The following SVIL variants were observed in gnomAD, a reference collection of about 807,000 sequenced individuals.
SVIL encodes archvillin.
SVIL carries 101 observed loss-of-function variants against 240.4 expected under a neutral mutation model. The ratio of observed to expected loss-of-function variants is 0.42; its 90% CI spans 0.36 to 0.50. The LOEUF (loss-of-function observed/expected upper bound fraction) is 0.50. Among genes scored for constraint, SVIL ranks in the 20% least tolerant of loss-of-function variants. The pLI, the probability that SVIL is intolerant of heterozygous loss-of-function variation, is 0.01. For synonymous variants in SVIL, 999 were observed against 1,100.0 expected, an observed-to-expected ratio of 0.91 and a Z score of 1.82; for missense variants, 2,512 against 2,818.7, an observed-to-expected ratio of 0.89 and a Z score of 2.46.
intron 1 of SVIL, among the ~76,000 whole-genome samples, chr10:29,582,576 A>G (rs569631976): frequency 1.1e-3 from 169 of 152,134 alleles, no homozygotes; most frequent in African/African-American, 4.0e-3. Context: ...CATCTTTACC[A>G]AAAACATTTT....
At chr10:29,685,512 A>G (rs1488621588) in intron 2 of SVIL, among the ~76,000 whole-genome samples, 3 of 152,212 alleles carry the variant, frequency 2.0e-5, no homozygotes, top group African/African-American at 7.2e-5. Context: ...GCTTTCCACG[A>G]TGAACTAATT....
intron 1 of SVIL, among the ~76,000 whole-genome samples, chr10:29,583,929 T>C (rs1956053846): frequency 6.6e-6 from 1 of 152,156 alleles, no homozygotes; most frequent in African/African-American, 2.4e-5. Context: ...ACTTGCGGTA[T>C]TTGTTTAAAA....
At chr10:29,647,322 T>G (rs762691580) in intron 3 of SVIL, 7 of 152,128 alleles carry the variant, frequency 4.6e-5, no homozygotes, top group Non-Finnish European at 7.4e-5. Context: ...CTTTTCTTGC[T>G]TTCTTTTTCT....
rs1953288347 is a variant in SVIL at position 29,551,122 on chromosome 10, T to C, written c.302A>G (p.Lys101Arg). ...TTTGTACCTTGCAATTCTTTCGGCTTTGGACTCCAGACTGTGGGTGTCCAT... is the reference window on the plus strand; with the variant it reads ...TTTGTACCTTGCAATTCTTTCGGCTCTGGACTCCAGACTGTGGGTGTCCAT... ...GTMDTHSLESKAERIARYKAE... is the reference protein window; with the variant it reads ...GTMDTHSLESRAERIARYKAE... The change falls in exon 6 of 38, where the codon AAA (lysine) becomes AGA (arginine). Residue 101 changes from lysine to arginine, a missense_variant. Physicochemically the swap from Lys to Arg is conservative, Grantham distance 26 (BLOSUM62 2). This residue lies in a region of SVIL where 1,443 missense variants were observed against 1,486.6 expected (regional missense o/e 0.97). Transcript: ENST00000355867. The C allele has an allele frequency of 1.9e-6, 3 of 1,614,028 alleles. No individual in the cohort carries two copies. Among genetic ancestry groups the C allele is most frequent in the African/African-American group, 2.7e-5 (2 of 74,918 alleles).
chr10:29,511,664 T>C (rs1334463774), intron 17 of SVIL, among the ~76,000 whole-genome samples: 1 of 152,248 alleles, frequency 6.6e-6, no homozygotes, highest in Non-Finnish European at 1.5e-5. Flanking sequence ...TAGTTATATT[T>C]GAGAATTTTA....
At chr10:29,600,904 C>T (rs552659135) in intron 1 of SVIL, among the ~76,000 whole-genome samples, 8 of 152,246 alleles carry the variant, frequency 5.3e-5, no homozygotes, top group Admixed American at 3.3e-4. Context: ...TATGAAGTTC[C>T]GGGTTCTTTC....
At chr10:29,700,769 G>C (rs1159109413) in intron 1 of SVIL, among the ~76,000 whole-genome samples, 1 of 152,030 alleles carries the variant, frequency 6.6e-6, no homozygotes, top group Non-Finnish European at 1.5e-5. Context: ...CACTGCGCCT[G>C]GCCACTATTT....
At chr10:29,651,138 C>T (rs552357530) in intron 3 of SVIL, among the ~76,000 whole-genome samples, 123 of 152,224 alleles carry the variant, frequency 8.1e-4, no homozygotes, top group Non-Finnish European at 1.4e-3. Flanking sequence ...ACCACCCTCG[C>T]GCCCCAACCC....
intron 1 of SVIL, among the ~76,000 whole-genome samples, chr10:29,728,397 T>G (rs1964413534): frequency 6.6e-6 from 1 of 152,234 alleles, no homozygotes; most frequent in Non-Finnish European, 1.5e-5. Context: ...AAACTGGTAT[T>G]TCCAAGTTGC....
At chr10:29,657,256 T>C (rs949704948) in intron 3 of SVIL, among the ~76,000 whole-genome samples, 10 of 152,188 alleles carry the variant, frequency 6.6e-5, no homozygotes, top group Non-Finnish European at 1.2e-4. Flanking sequence ...CATCCATGGC[T>C]GGTGCGCAAT....
intron 3 of SVIL, among the ~76,000 whole-genome samples, chr10:29,654,511 C>G (rs546227328): frequency 6.6e-6 from 1 of 152,132 alleles, no homozygotes; most frequent in Non-Finnish European, 1.5e-5. Context: ...AATCTGGAAG[C>G]CTCTTATTTC....
rs1204724607 is a variant in SVIL, at chr10:29,471,177, G to A, written c.5596C>T (p.His1866Tyr). ...LQCFQGGMVV[H>Y]SGRREEEEEN... ...TCTTCCTCTTCCCGCCTCCCCGAGTGCACCACCATCCCCCCCTGGAAACAC... is the reference window on the plus strand; with the variant it reads ...TCTTCCTCTTCCCGCCTCCCCGAGTACACCACCATCCCCCCCTGGAAACAC... The change falls in exon 31 of 38, where the codon CAC becomes TAC. Residue 1866 changes from histidine (H) to tyrosine (Y), a missense_variant. His to Tyr is a moderately conservative substitution (Grantham distance 83). This residue lies in a region of SVIL where 797 missense variants were observed against 925.3 expected (regional missense o/e 0.86). Transcript: ENST00000355867. 3.1e-6 allele frequency: 5 copies of A among 1,613,818 alleles called. No individual in the cohort carries two copies. Among genetic ancestry groups the A allele is most frequent in the East Asian group, 2.2e-5 (1 of 44,890 alleles).
chr10:29,473,572 C>T, intron 30 of SVIL: 1 of 512,784 alleles, frequency 2.0e-6, no homozygotes, highest in East Asian at 3.5e-5. Context: ...TTCAAAGCCA[C>T]CCATTGGCCA....
At chr10:29,604,893 T>C (rs775424362) in intron 1 of SVIL, among the ~76,000 whole-genome samples, 2 of 145,514 alleles carry the variant, frequency 1.4e-5, no homozygotes, top group Non-Finnish European at 3.0e-5. Context: ...AACATTATCA[T>C]AGGTTTATGT....
intron 17 of SVIL, among the ~76,000 whole-genome samples, chr10:29,512,479 G>C (rs1276205729): frequency 6.6e-6 from 1 of 152,132 alleles, no homozygotes; most frequent in Non-Finnish European, 1.5e-5. Flanking sequence ...TGAAGAAAAA[G>C]TCCACACTTT....
chr10:29,554,933 T>C lies in SVIL; in HGVS notation c.10A>G (p.Lys4Glu). The change falls in exon 5 of 38, where the codon AAA becomes GAA. Residue 4 changes from lysine (K) to glutamate (E), a missense_variant and splice_region_variant. Lys to Glu is a moderately conservative substitution (Grantham distance 56). Transcript: ENST00000355867. The part of the protein sequence containing the change: MKR[K>E]ERIARRLEGI... ...TCCAGGCGCCTGGCAATTCTTTCTT[T>C]TCTGTGAAATACACCACAAGAGGCA... The C allele has an allele frequency of 6.2e-7, 1 of 1,610,952 alleles. No individual in the cohort carries two copies. Among genetic ancestry groups the C allele is most frequent in the East Asian group, 2.2e-5 (1 of 44,824 alleles).
chr10:29,510,575 C>T (rs1949756322), intron 17 of SVIL, among the ~76,000 whole-genome samples: 1 of 151,836 alleles, frequency 6.6e-6, no homozygotes, highest in Non-Finnish European at 1.5e-5. Context: ...AACGCCGGCT[C>T]CTTTCTGCCT....
chr10:29,658,503 T>G (rs1389011665), intron 2 of SVIL, among the ~76,000 whole-genome samples: 1 of 152,252 alleles, frequency 6.6e-6, no homozygotes, highest in Non-Finnish European at 1.5e-5. Flanking sequence ...CCACCTGTAA[T>G]CCTGGCACTT....
At position 29,533,323 on chromosome 10, in the gene SVIL, G is replaced by T; in HGVS notation, c.1044C>A (p.Ala348=). The T allele has an allele frequency of 1.9e-6, 3 of 1,614,126 alleles. No homozygotes were observed. The highest frequency in any genetic ancestry group is 2.7e-5 in the African/African-American group (2 of 75,042). Residue 348 remains alanine (A), a synonymous_variant, in exon 8 of 38, where the codon GCC becomes GCA. Transcript: ENST00000355867. ...HYVSFQSEHS[A]FDRVPSKAAG... is the part of the protein sequence containing the mutation. ...CTGCCTTGCTGGGGACCCTATCAAA[G>T]GCTGAGTGCTCAGACTGAAATGACA...
Sources: allele counts gnomAD v4.1 joint callset (sites outside exome capture counted in the v4.1 genomes callset), GRCh38; gene constraint gnomAD v4.1.1; regional missense constraint gnomAD v4.1.1; transcripts MANE v1.5; gene names NCBI Gene and HGNC (gene_info 2026-07-23, HGNC 2026-07-21).